SMC1B: variants seen among roughly 807,000 people sequenced by gnomAD.
The protein encoded by SMC1B is structural maintenance of chromosomes protein 1B.
In SMC1B, 60 loss-of-function variants were observed where a neutral mutation model predicts 157.9. The ratio of observed to expected loss-of-function variants is 0.38; its 90% CI spans 0.31 to 0.47. The LOEUF (loss-of-function observed/expected upper bound fraction) is 0.47, where lower values mean the gene tolerates loss of function less well. Ranked by LOEUF, SMC1B falls within the 20% of genes least tolerant of loss-of-function variation. The probability of loss-of-function intolerance (pLI) is 0.99; values close to 1 mark genes in which losing one functional copy is unlikely to be tolerated. For synonymous variants in SMC1B, 445 were observed against 483.0 expected (o/e 0.92, Z 1.03); for missense variants, 1,165 against 1,426.2 (o/e 0.82, Z 2.95).
rs1035823448 is a variant in SMC1B at position 45,413,054 on chromosome 22, G to C, written c.109+405C>G. 1.4e-4 allele frequency among the ~76,000 whole-genome samples: 15 copies of C among 105,866 alleles called. No individual in the cohort carries two copies. The East Asian group carries it at 1.6e-3, about 11-fold the overall frequency. 69.5% of individuals were successfully genotyped at this position (105,866 alleles called of 152,430 possible). ...CGGAGAGGAAGCGTCAGGACCCCCAGGGTGGGGGGCGAGGGTTGGGAGCCC... is the reference window on the plus strand; with the variant it reads ...CGGAGAGGAAGCGTCAGGACCCCCACGGTGGGGGGCGAGGGTTGGGAGCCC... On this transcript the variant is annotated intron_variant, in intron 1 of 24. Coordinates refer to ENST00000357450, the MANE Select transcript of SMC1B (RefSeq NM_148674.5).
At chr22:45,373,225 T>C (rs953656221) in intron 12 of SMC1B, among the ~76,000 whole-genome samples, 6 of 152,190 alleles carry the variant, frequency 3.9e-5, no homozygotes, top group African/African-American at 1.4e-4. Flanking sequence ...GGGGCACACG[T>C]TCTCAGGACC....
At chr22:45,344,703 A>C (rs544203453) in intron 24 of SMC1B, 46 bp from the exon 25 acceptor site, 91 of 1,335,388 alleles carry the variant, frequency 6.8e-5, no homozygotes, top group Middle Eastern at 5.4e-4. Context: ...ATTAGGGAAA[A>C]AGTATTATTA....
At position 45,372,267 on chromosome 22, in the gene SMC1B, T is replaced by A. The variant is rs748009660; in HGVS notation, c.2084A>T (p.Glu695Val). ...GGTCTGTATTTGTTTCAAATCTGTTTCTTTGCGGAGTGTCTTCATTAAACC... is the reference window on the plus strand; with the variant it reads ...GGTCTGTATTTGTTTCAAATCTGTTACTTTGCGGAGTGTCTTCATTAAACC... ...LKGLMKTLRK[E>V]TDLKQIQTLI... The change falls in exon 13 of 25, where the codon GAA (glutamate) becomes GTA (valine). Residue 695 changes from glutamate (E) to valine (V), a missense_variant. Glu to Val is a moderately radical substitution (Grantham distance 121, BLOSUM62 -2). Coordinates refer to ENST00000357450, the MANE Select transcript of SMC1B (RefSeq NM_148674.5). The A allele has an allele frequency of 6.2e-7, 1 of 1,606,470 alleles. No individual in the cohort carries two copies. The highest frequency in any genetic ancestry group is 8.5e-7 in the Non-Finnish European group (1 of 1,177,596).
intron 4 of SMC1B, among the ~76,000 whole-genome samples, chr22:45,405,661 T>C (rs1014099280): frequency 6.6e-6 from 1 of 152,204 alleles, no homozygotes; most frequent in Non-Finnish European, 1.5e-5. Context: ...TAAGGTACTA[T>C]ATTAGGCATT....
chr22:45,406,369 C>G (rs1368638016), intron 4 of SMC1B, 91 bp downstream of exon 4: 4 of 1,003,470 alleles, frequency 4.0e-6, no homozygotes, highest in Non-Finnish European at 4.4e-6. Flanking sequence ...TTAAATTAAT[C>G]TTCTTGGTAA....
rs747096630 is a variant in SMC1B at position 45,369,977 on chromosome 22, C to A, written c.2397G>T (p.Arg799=). ...ACCTTTTTTGATCAATTTCTTGTTG[C>A]CGTTTAACATGTTTGTTCTCAAATT... The part of the protein sequence containing the change: ...IREFENKHVK[R]QQEIDQKRLE... The change falls in exon 15 of 25, where the codon CGG becomes CGT. Residue 799 remains arginine, a synonymous_variant. Transcript: ENST00000357450. 1.9e-6 allele frequency: 3 copies of A among 1,588,730 alleles called. No individual in the cohort carries two copies. The Admixed American group carries it at 5.2e-5, about 27-fold the overall frequency.
rs367708003 is a variant in SMC1B, at chr22:45,413,449, G to T, written c.109+10C>A. ...AGGCGCTCCGGTGGCGCCCTGAGCT[G>T]CTCAGTTACCAGAGCCGTTGGGGCC... is the stretch of plus-strand genomic sequence containing the variant. On this transcript the variant is annotated intron_variant, in intron 1 of 24. Transcript: ENST00000357450. The T allele has an allele frequency of 6.3e-7, 1 of 1,597,252 alleles. No homozygotes were observed. Among genetic ancestry groups the T allele is most frequent in the Non-Finnish European group, 8.5e-7 (1 of 1,170,688 alleles).
intron 5 of SMC1B, among the ~76,000 whole-genome samples, chr22:45,399,751 G>A (rs1569197110): frequency 6.6e-6 from 1 of 152,166 alleles, no homozygotes; most frequent in Non-Finnish European, 1.5e-5. Flanking sequence ...AGGGGTGGAA[G>A]GAAAACATGC....
chr22:45,411,677 C>T (rs1382447168), intron 1 of SMC1B, among the ~76,000 whole-genome samples: 2 of 152,068 alleles, frequency 1.3e-5, no homozygotes, highest in Admixed American at 6.6e-5. Context: ...GCCTCTGCCT[C>T]CCAGGTTCAA....
chr22:45,367,677 G>A (rs1399121010), intron 15 of SMC1B, among the ~76,000 whole-genome samples: 3 of 152,174 alleles, frequency 2.0e-5, no homozygotes, highest in East Asian at 3.9e-4. Flanking sequence ...CCTTGCCAGG[G>A]AACCCAAGAT....
At chr22:45,374,251 T>G (rs1453058321) in intron 12 of SMC1B, among the ~76,000 whole-genome samples, 1 of 151,564 alleles carries the variant, frequency 6.6e-6, no homozygotes, top group Non-Finnish European at 1.5e-5. Context: ...ATATCATGAG[T>G]GGTCTGTGTA....
chr22:45,345,207 A>T (rs2086538258), intron 24 of SMC1B, among the ~76,000 whole-genome samples: 1 of 152,252 alleles, frequency 6.6e-6, no homozygotes, highest in Non-Finnish European at 1.5e-5. Context: ...ACATGGACTT[A>T]TTTCACGAAA....
At chr22:45,413,419 G>C in intron 1 of SMC1B, 40 bp downstream of exon 1, 1 of 1,503,910 alleles carries the variant, frequency 6.6e-7, no homozygotes, top group African/African-American at 1.4e-5. Flanking sequence ...CGCCTGGGAC[G>C]GCGGAGGCGC....
intron 17 of SMC1B, 131 bp from the exon 18 acceptor site, chr22:45,360,089 T>G: frequency 1.5e-6 from 1 of 658,762 alleles, no homozygotes; most frequent in Non-Finnish European, 2.5e-6. Flanking sequence ...AGTTCTAGAA[T>G]CCTCTCATTG....
Position 45,382,552 on chromosome 22 carries a change from G to A in SMC1B, c.2058+915C>T, listed in dbSNP as rs150136597. 4.3e-4 allele frequency among the ~76,000 whole-genome samples: 66 copies of A among 152,286 alleles called. 1 individual carries two copies. The highest frequency in any genetic ancestry group is 3.4e-3 in the Middle Eastern group (1 of 294). ...GTCATGAGTGCAGTGATGGTTACGT[G>A]ACTACATACATTTGTCAAAAGTTAC... On this transcript the variant is annotated intron_variant, in intron 12 of 24. Coordinates refer to ENST00000357450, the MANE Select transcript of SMC1B (RefSeq NM_148674.5).
At chr22:45,398,178 GC>G (rs2087148177) in intron 6 of SMC1B, among the ~76,000 whole-genome samples, 1 of 152,208 alleles carries the variant, frequency 6.6e-6, no homozygotes, top group Non-Finnish European at 1.5e-5. Context: ...CCCCTCTGGG[GC>G]TTTGGGGTCA....
In SMC1B at chr22:45,396,363, T is replaced by G; in HGVS notation, c.1237A>C (p.Arg413=). The G allele has an allele frequency of 6.2e-7, 1 of 1,612,864 alleles. No individual in the cohort carries two copies. The highest frequency in any genetic ancestry group is 8.5e-7 in the Non-Finnish European group (1 of 1,179,442). ...CAAGACACCTGAACTTCTCCATGCC[T>G]CCTCTTTTCAAATGCCAGTCTTTCT... is the stretch of plus-strand genomic sequence containing the variant. ...DEERLAFEKR[R]HGEVQGNLKQ... Residue 413 remains arginine, a synonymous_variant, in exon 7 of 25, where the codon AGG becomes CGG. Transcript: ENST00000357450.
At chr22:45,380,960 C>CT (rs530026478) in intron 12 of SMC1B, among the ~76,000 whole-genome samples, 7,042 of 136,974 alleles carry the variant, frequency 0.051, 399 homozygotes, top group African/African-American at 0.14. Flanking sequence ...AAAAGAAGTA[C>CT]TTTTTTTTTT....
chr22:45,372,752 G>T (rs953816721), intron 12 of SMC1B, among the ~76,000 whole-genome samples: 1 of 123,526 alleles, frequency 8.1e-6, no homozygotes, highest in Non-Finnish European at 1.6e-5. Flanking sequence ...TTGCTCTGTC[G>T]CCCAGACTGG....
Sources: gnomAD v4.1 joint callset for allele counts (sites outside exome capture counted in the v4.1 genomes callset) on GRCh38, gnomAD v4.1.1 for gene constraint, MANE v1.5 for transcripts, NCBI Gene and HGNC (gene_info 2026-07-23, HGNC 2026-07-21) for gene names.